PDE11A: variants seen among roughly 807,000 people sequenced by gnomAD.
PDE11A encodes the protein phosphodiesterase 11A.
A neutral mutation model predicts 100.5 loss-of-function variants in PDE11A; 100 were observed. That is an observed-to-expected ratio of 1.00 (90% confidence interval 0.85 to 1.18). The LOEUF is 1.18. Ranked by LOEUF, PDE11A falls within the 50% of genes most tolerant of loss-of-function variation. The probability of loss-of-function intolerance (pLI) is 0.00; values close to 1 mark genes in which losing one functional copy is unlikely to be tolerated. For missense variants in PDE11A, 1,141 were observed against 1,152.6 expected, an observed-to-expected ratio of 0.99 and a Z score of 0.15; for synonymous variants, 381 against 420.8, an observed-to-expected ratio of 0.91 and a Z score of 1.16.
intron 15 of PDE11A, among the ~76,000 whole-genome samples, chr2:177,685,499 G>C (rs540021357): frequency 1.3e-5 from 2 of 152,270 alleles, no homozygotes; most frequent in South Asian, 4.1e-4. Flanking sequence ...CAGAGTGAAA[G>C]CATGTTCCCT....
chr2:177,701,169 G>A lies in PDE11A; in HGVS notation c.2196C>T (p.Thr732=). ...ALAQLYGTSA[T]LEHHHFNHAV... Reference sequence around the variant, plus strand: ...CGTGGTTGAAATGGTGATGCTCCAAGGTAGCAGAGGTTCCATAGAGTTGGG... The same window carrying A: ...CGTGGTTGAAATGGTGATGCTCCAAAGTAGCAGAGGTTCCATAGAGTTGGG... Residue 732 remains threonine, a synonymous_variant, in exon 14 of 20, where the codon ACC becomes ACT. Coordinates refer to ENST00000286063, the MANE Select transcript of PDE11A (RefSeq NM_016953.4). 1 of 1,608,170 alleles carries A rather than the reference G, an allele frequency of 6.2e-7. No homozygotes were observed. Among genetic ancestry groups the A allele is most frequent in the South Asian group, 1.1e-5 (1 of 90,940 alleles).
chr2:177,638,819 C>T (rs565401315), intron 19 of PDE11A, among the ~76,000 whole-genome samples: 1 of 152,290 alleles, frequency 6.6e-6, no homozygotes, highest in South Asian at 2.1e-4. Context: ...TTCTTGGGTA[C>T]TCTAGCTGGC....
intron 9 of PDE11A, among the ~76,000 whole-genome samples, chr2:177,794,771 TTTGTTTGTTTGTTTG>T (rs1387424831): frequency 8.6e-5 from 12 of 139,834 alleles, no homozygotes; most frequent in East Asian, 2.1e-4. Flanking sequence ...CTGGTTTTTG[TTTGTTTGTTTGTTTG>T]TTTGTTTGTT....
At chr2:177,983,485 T>C (rs535961101) in intron 2 of PDE11A, among the ~76,000 whole-genome samples, 2 of 152,256 alleles carry the variant, frequency 1.3e-5, no homozygotes, top group East Asian at 3.9e-4. Flanking sequence ...TGGAAAAGTC[T>C]GAGGCTGCAA....
intron 17 of PDE11A, among the ~76,000 whole-genome samples, chr2:177,671,252 T>C (rs1031350204): frequency 1.6e-5 from 2 of 123,432 alleles, no homozygotes; most frequent in African/African-American, 5.8e-5. Context: ...CAAGTACTTG[T>C]TGGTATCTCC....
intron 9 of PDE11A, among the ~76,000 whole-genome samples, chr2:177,798,420 G>A (rs1308021631): frequency 2.6e-5 from 4 of 152,084 alleles, no homozygotes; most frequent in African/African-American, 9.7e-5. Context: ...GGTGAAAATC[G>A]AGTTCTTGGC....
intron 10 of PDE11A, among the ~76,000 whole-genome samples, chr2:177,754,500 G>T (rs1189897005): frequency 6.6e-6 from 1 of 152,180 alleles, no homozygotes; most frequent in Non-Finnish European, 1.5e-5. Context: ...ACATTTTAAA[G>T]CCCAAGCTTG....
chr2:177,919,621 T>G (rs970107485), intron 2 of PDE11A, among the ~76,000 whole-genome samples: 1 of 152,114 alleles, frequency 6.6e-6, no homozygotes, highest in Non-Finnish European at 1.5e-5. Flanking sequence ...GCTATAAAAT[T>G]TTTAATAAGT....
chr2:177,984,806 G>T (rs2085922692), intron 2 of PDE11A, among the ~76,000 whole-genome samples: 1 of 152,174 alleles, frequency 6.6e-6, no homozygotes, highest in South Asian at 2.1e-4. Flanking sequence ...ACACTACTAA[G>T]TAGCAGAGCT....
At chr2:177,647,710 G>A (rs939692200) in intron 19 of PDE11A, among the ~76,000 whole-genome samples, 1 of 152,158 alleles carries the variant, frequency 6.6e-6, no homozygotes, top group Admixed American at 6.5e-5. Context: ...CCAAAGCATC[G>A]AGGAGAAATG....
intron 13 of PDE11A, among the ~76,000 whole-genome samples, chr2:177,709,886 G>T (rs1218815387): frequency 1.3e-5 from 2 of 152,172 alleles, no homozygotes; most frequent in Non-Finnish European, 2.9e-5. Context: ...TCCTGAGGTG[G>T]TTTCTCCAAT....
intron 9 of PDE11A, among the ~76,000 whole-genome samples, chr2:177,786,125 T>C (rs2082533609): frequency 1.3e-5 from 2 of 152,194 alleles, no homozygotes; most frequent in Non-Finnish European, 2.9e-5. Flanking sequence ...GCAGCCTAAC[T>C]GGGAGGCATC....
chr2:177,967,787 T>G (rs939856095), intron 2 of PDE11A, among the ~76,000 whole-genome samples: 4 of 152,164 alleles, frequency 2.6e-5, no homozygotes. Flanking sequence ...CTGGGCATTG[T>G]GCTAAGCGGT....
intron 10 of PDE11A, among the ~76,000 whole-genome samples, chr2:177,729,728 C>G (rs954907853): frequency 2.6e-5 from 4 of 152,168 alleles, no homozygotes; most frequent in African/African-American, 7.2e-5. Flanking sequence ...ATAACTCCCC[C>G]CTCCAACTGA....
At chr2:177,857,784 A>G (rs1281178579) in intron 5 of PDE11A, among the ~76,000 whole-genome samples, 2 of 152,108 alleles carry the variant, frequency 1.3e-5, no homozygotes, top group Non-Finnish European at 1.5e-5. Flanking sequence ...TACACTGTCT[A>G]CAAGGGACAT....
chr2:177,767,589 A>G (rs2105499154), intron 10 of PDE11A, among the ~76,000 whole-genome samples: 1 of 152,336 alleles, frequency 6.6e-6, no homozygotes, highest in Non-Finnish European at 1.5e-5. Flanking sequence ...ATTGGCTAAC[A>G]TTAAAAAGCT....
intron 9 of PDE11A, among the ~76,000 whole-genome samples, chr2:177,770,006 G>A (rs572213308): frequency 6.6e-6 from 1 of 152,064 alleles, no homozygotes; most frequent in South Asian, 2.1e-4. Context: ...ATGTGTGTGC[G>A]ATCTGTAGCA....
intron 2 of PDE11A, among the ~76,000 whole-genome samples, chr2:177,933,087 C>CACACAT (rs370333403): frequency 0.064 from 9,734 of 151,508 alleles, 309 homozygotes; most frequent in South Asian, 0.094. Context: ...CACACACACA[C>CACACAT]ACAAATAAAA....
intron 19 of PDE11A, among the ~76,000 whole-genome samples, chr2:177,637,895 AT>A (rs959135762): frequency 2.4e-3 from 193 of 79,512 alleles, no homozygotes; most frequent in Non-Finnish European, 5.6e-3. Flanking sequence ...ATACATATAT[AT>A]ATATACATAT....
Sources: allele counts gnomAD v4.1 joint callset (sites outside exome capture counted in the v4.1 genomes callset), GRCh38; gene constraint gnomAD v4.1.1; transcripts MANE v1.5; gene names NCBI Gene and HGNC (gene_info 2026-07-23, HGNC 2026-07-21).